QKI: variants seen among roughly 807,000 people sequenced by gnomAD.
The protein encoded by QKI is QKI, KH domain containing RNA binding.
Under a neutral mutation model 39.0 loss-of-function variants are expected in QKI, and 10 were observed. The ratio of observed to expected loss-of-function variants is 0.26; its 90% CI spans 0.16 to 0.43. QKI has a LOEUF of 0.43. Among genes scored for constraint, QKI ranks in the 20% least tolerant of loss-of-function variants. The pLI is 1.00. For missense variants in QKI, 218 were observed against 428.0 expected (o/e 0.51, Z 4.33); for synonymous variants, 204 against 155.4 (o/e 1.31, Z -2.33).
chr6:163,452,662 T>G (rs1416250280), intron 1 of QKI, among the ~76,000 whole-genome samples: 1 of 152,230 alleles, frequency 6.6e-6, no homozygotes, highest in Non-Finnish European at 1.5e-5. Context: ...ACTTAAGTGG[T>G]AAATGGCTTG....
intron 1 of QKI, among the ~76,000 whole-genome samples, chr6:163,440,655 G>A (rs1033810331): frequency 6.6e-6 from 1 of 152,182 alleles, no homozygotes; most frequent in South Asian, 2.1e-4. Flanking sequence ...TATGAAGTAT[G>A]TTTAGAGGTT....
chr6:163,533,482 G>A (rs1562520125), intron 3 of QKI, among the ~76,000 whole-genome samples: 1 of 152,040 alleles, frequency 6.6e-6, no homozygotes, highest in Non-Finnish European at 1.5e-5. Context: ...GTATTTTCTT[G>A]GGTGCTGTTC....
intron 1 of QKI, among the ~76,000 whole-genome samples, chr6:163,428,082 A>C (rs1788545196): frequency 6.6e-6 from 1 of 152,234 alleles, no homozygotes; most frequent in African/African-American, 2.4e-5. Context: ...TTTTGCCAGA[A>C]TAGGAAAATG....
chr6:163,569,825 A>G, intron 7 of QKI: 2 of 987,744 alleles, frequency 2.0e-6, no homozygotes, highest in Non-Finnish European at 2.4e-6. Context: ...TAGTTTTAAA[A>G]TGCCTTATTG....
intron 3 of QKI, among the ~76,000 whole-genome samples, chr6:163,512,390 TTTC>T (rs1264556228): frequency 1.3e-5 from 2 of 151,882 alleles, no homozygotes; most frequent in South Asian, 2.1e-4. Flanking sequence ...AGAAGAAGAC[TTTC>T]TTATTTTTTA....
chr6:163,549,215 G>A (rs949034857), intron 4 of QKI, among the ~76,000 whole-genome samples: 2 of 151,544 alleles, frequency 1.3e-5, no homozygotes, highest in Admixed American at 6.6e-5. Flanking sequence ...TGAGGGGGGG[G>A]ACATGAGGTT....
At chr6:163,415,709 C>T (rs1367269083) in intron 1 of QKI, among the ~76,000 whole-genome samples, 1 of 151,856 alleles carries the variant, frequency 6.6e-6, no homozygotes, top group African/African-American at 2.4e-5. Flanking sequence ...CGAGAGCAGG[C>T]CCACGCCGCG....
intron 5 of QKI, among the ~76,000 whole-genome samples, chr6:163,562,317 C>T (rs1472005008): frequency 6.6e-6 from 1 of 152,206 alleles, no homozygotes; most frequent in East Asian, 1.9e-4. Context: ...AACAAAATCA[C>T]AATCTCTAAA....
intron 6 of QKI, chr6:163,565,974 A>G (rs978887384): frequency 1.1e-5 from 17 of 1,613,228 alleles, no homozygotes; most frequent in Non-Finnish European, 1.4e-5. Flanking sequence ...AAGGCTAAGA[A>G]TTCAAGAACG....
chr6:163,424,641 ATT>A (rs113916256), intron 1 of QKI, among the ~76,000 whole-genome samples: 9 of 144,776 alleles, frequency 6.2e-5, no homozygotes, highest in Non-Finnish European at 3.0e-5. Flanking sequence ...TTGGTTTTTA[ATT>A]TTTTTTTTTT....
intron 2 of QKI, among the ~76,000 whole-genome samples, chr6:163,462,361 C>A (rs1039615561): frequency 6.6e-6 from 1 of 152,148 alleles, no homozygotes; most frequent in African/African-American, 2.4e-5. Context: ...TAGAACACTG[C>A]TTTTCCCAAG....
At chr6:163,446,613 CGACAT>C (rs886313799) in intron 1 of QKI, among the ~76,000 whole-genome samples, 21 of 151,980 alleles carry the variant, frequency 1.4e-4, no homozygotes, top group African/African-American at 5.1e-4. Context: ...TCCTAAGAAA[CGACAT>C]GACCAGAAGA....
chr6:163,495,470 T>G (rs565666952), intron 3 of QKI, among the ~76,000 whole-genome samples: 1 of 152,306 alleles, frequency 6.6e-6, no homozygotes, highest in South Asian at 2.1e-4. Flanking sequence ...GAGAGCAACT[T>G]GCAGACATTA....
intron 1 of QKI, among the ~76,000 whole-genome samples, chr6:163,439,179 C>T (rs538640599): frequency 1.3e-5 from 2 of 152,248 alleles, no homozygotes; most frequent in East Asian, 3.9e-4. Context: ...AGCACAGTGT[C>T]TGATACCACA....
At chr6:163,450,592 A>G (rs1323315090) in intron 1 of QKI, among the ~76,000 whole-genome samples, 1 of 152,240 alleles carries the variant, frequency 6.6e-6, no homozygotes, top group Non-Finnish European at 1.5e-5. Flanking sequence ...GTGCAGTGAC[A>G]TCGGAGCAGA....
At position 163,565,906 on chromosome 6, in the gene QKI, A is replaced by G. The variant is rs753897339; in HGVS notation, c.935-815A>G. 1.1e-5 allele frequency: 18 copies of G among 1,612,902 alleles called. No individual in the cohort carries two copies. The South Asian group carries it at 1.5e-4, about 14-fold the overall frequency. On this transcript the variant is annotated intron_variant, in intron 6 of 7. Coordinates refer to ENST00000361752, the MANE Select transcript of QKI (RefSeq NM_006775.3). ...AGATTGGTATTAGCATCAAGTCTTC[A>G]TTGATGACTAATTTTTAATTCCCTT...
chr6:163,501,598 T>C (rs1329384659), intron 3 of QKI, among the ~76,000 whole-genome samples: 1 of 152,226 alleles, frequency 6.6e-6, no homozygotes, highest in Non-Finnish European at 1.5e-5. Context: ...GGTGTCTGAC[T>C]GAGCAGTAAA....
chr6:163,422,288 G>C (rs1034824949), intron 1 of QKI, among the ~76,000 whole-genome samples: 1 of 152,166 alleles, frequency 6.6e-6, no homozygotes, highest in Non-Finnish European at 1.5e-5. Context: ...TCATAAAGTT[G>C]CTTCATGTAT....
At chr6:163,432,411 T>TA (rs981279259) in intron 1 of QKI, among the ~76,000 whole-genome samples, 6 of 151,058 alleles carry the variant, frequency 4.0e-5, no homozygotes, top group Admixed American at 1.3e-4. Flanking sequence ...TTTTTTTTTT[T>TA]AAAGAGATGG....
Sources: allele counts gnomAD v4.1 joint callset (sites outside exome capture counted in the v4.1 genomes callset), GRCh38; gene constraint gnomAD v4.1.1; transcripts MANE v1.5; gene names NCBI Gene and HGNC (gene_info 2026-07-23, HGNC 2026-07-21).